The following GPC3 variants were observed in gnomAD, a reference collection of about 807,000 sequenced individuals.
The protein encoded by GPC3 is glypican-3.
A neutral mutation model predicts 34.4 loss-of-function variants in GPC3; 3 were observed. The ratio of observed to expected loss-of-function variants is 0.09; its 90% confidence interval spans 0.04 to 0.23. The LOEUF is 0.23. Ranked by LOEUF, GPC3 falls within the 10% of genes least tolerant of loss-of-function variation. The pLI is 1.00. For missense variants in GPC3, 351 were observed against 445.6 expected, an observed-to-expected ratio of 0.79 and a Z score of 1.91; for synonymous variants, 177 against 174.0, an observed-to-expected ratio of 1.02 and a Z score of -0.13.
chrX:133,934,248 G>A (rs2076312544), intron 2 of GPC3, among the ~76,000 whole-genome samples: 1 of 105,792 alleles, frequency 9.5e-6, no homozygotes, highest in Admixed American at 1.0e-4. Flanking sequence ...CAAGGCTGGA[G>A]TGCATGGTGC....
chrX:133,688,291 A>G (rs1355899775), intron 5 of GPC3, among the ~76,000 whole-genome samples: 1 of 111,822 alleles, frequency 8.9e-6, no homozygotes, highest in Non-Finnish European at 1.9e-5. Flanking sequence ...TTTCTCAGCT[A>G]AGTCCTGGTA....
chrX:133,711,563 A>G (rs914828956), intron 3 of GPC3, among the ~76,000 whole-genome samples: 8 of 111,175 alleles, frequency 7.2e-5, no homozygotes, highest in Non-Finnish European at 1.5e-4. Flanking sequence ...ATTGGTCTCC[A>G]AAGCTCCAGT....
intron 2 of GPC3, among the ~76,000 whole-genome samples, chrX:133,810,934 G>A (rs1741986878): frequency 9.2e-6 from 1 of 109,031 alleles, no homozygotes. Flanking sequence ...AGGCATTACT[G>A]GTTCAGTCTC....
At chrX:133,722,305 T>C (rs1021494039) in intron 3 of GPC3, among the ~76,000 whole-genome samples, 19 of 111,337 alleles carry the variant, frequency 1.7e-4, no homozygotes, top group African/African-American at 5.9e-4. Context: ...AAAACCAGGA[T>C]TGACTATCAT....
intron 7 of GPC3, among the ~76,000 whole-genome samples, chrX:133,546,627 T>C (rs1239230129): frequency 9.0e-6 from 1 of 111,533 alleles, no homozygotes. Context: ...GAAATAGTGG[T>C]GATGGTTGCA....
intron 6 of GPC3, among the ~76,000 whole-genome samples, chrX:133,618,095 G>A (rs771218371): frequency 8.9e-6 from 1 of 112,078 alleles, no homozygotes; most frequent in East Asian, 2.8e-4. Context: ...TCAAAGAGTT[G>A]TAGTTTTGAA....
intron 7 of GPC3, among the ~76,000 whole-genome samples, chrX:133,583,883 C>G (rs1477515432): frequency 1.8e-5 from 2 of 112,035 alleles, no homozygotes; most frequent in Non-Finnish European, 3.8e-5. Context: ...TCATATCTTC[C>G]TAATCCTTCT....
intron 5 of GPC3, among the ~76,000 whole-genome samples, chrX:133,687,383 G>GTT (rs1189478107): frequency 0.012 from 581 of 50,210 alleles, 119 homozygotes; most frequent in Non-Finnish European, 0.019. Context: ...AATTATCAGA[G>GTT]TTTTTTTTTT....
intron 7 of GPC3, among the ~76,000 whole-genome samples, chrX:133,547,439 G>A (rs1200167890): frequency 9.0e-6 from 1 of 111,002 alleles, no homozygotes; most frequent in Non-Finnish European, 1.9e-5. Context: ...ATCTTACCTT[G>A]TAGAGGGGTC....
chrX:133,841,215 A>ATTTTTTTTTTTTTT lies in GPC3; in HGVS notation c.338-87053_338-87040dup, dbSNP rs769696321. On this transcript the variant is annotated intron_variant, in intron 2 of 7. Transcript: ENST00000370818. Reference sequence around the variant, plus strand: ...ACCACCATGCCTGGCTAATCTTTTAATTTTTTTTTTTTTTTTTTTTTTTGG... The same window carrying ATTTTTTTTTTTTTT: ...ACCACCATGCCTGGCTAATCTTTTAATTTTTTTTTTTTTTTTTTTTTTTTTTTTTTTTTTTTTGG... 3.5e-3 allele frequency among the ~76,000 whole-genome samples: 138 copies of ATTTTTTTTTTTTTT among 39,223 alleles called. 20 individuals carry two copies. Among genetic ancestry groups the ATTTTTTTTTTTTTT allele is most frequent in the African/African-American group, 7.6e-3 (109 of 14,309 alleles). The allele number at this position is 39,223 out of a possible 115,157, so 34.1% of individuals were successfully genotyped here. A position where few individuals can be genotyped will look rare whatever the true frequency, so the allele number is the denominator to read the frequency against.
intron 7 of GPC3, among the ~76,000 whole-genome samples, chrX:133,572,289 A>G (rs1050883762): frequency 1.2e-4 from 13 of 112,085 alleles, no homozygotes; most frequent in Non-Finnish European, 3.8e-5. Flanking sequence ...ATACTTTGAT[A>G]TAAGTGAAAA....
intron 3 of GPC3, among the ~76,000 whole-genome samples, chrX:133,722,844 G>A (rs2071380103): frequency 1.8e-5 from 2 of 111,222 alleles, no homozygotes; most frequent in African/African-American, 6.5e-5. Flanking sequence ...GGATATGATT[G>A]AAAGGAGAGG....
intron 7 of GPC3, among the ~76,000 whole-genome samples, chrX:133,584,509 C>T (rs1337664835): frequency 8.9e-6 from 1 of 111,937 alleles, no homozygotes; most frequent in Non-Finnish European, 1.9e-5. Context: ...AACAGATTCT[C>T]ACTCTGTCAC....
chrX:133,557,943 AG>A (rs758524916), intron 7 of GPC3, among the ~76,000 whole-genome samples: 4 of 112,217 alleles, frequency 3.6e-5, no homozygotes, highest in Admixed American at 9.4e-5. Flanking sequence ...CCATGATTAA[AG>A]ATGCATTCCC....
chrX:133,896,362 GAAAA>G lies in GPC3; in HGVS notation c.337+56684_337+56687del, dbSNP rs375226597. On this transcript the variant is annotated intron_variant, in intron 2 of 7. Transcript: ENST00000370818. The stretch of plus-strand genomic sequence containing the variant: ...GGCAACAGAGTGAGAGATTGTCTCA[GAAAA>G]AAAAAAAAAAAGAAAGAAAAAGAAA... Among the ~76,000 whole-genome samples the G allele has an allele frequency of 1.1e-4, 9 of 81,151 alleles. No homozygotes were observed. The South Asian group carries it at 3.1e-3, about 28-fold the overall frequency. The allele number at this position is 81,151 out of a possible 115,157, so 70.5% of individuals were successfully genotyped here.
In GPC3 at chrX:133,548,714, G is replaced by C. The variant is rs762166621; in HGVS notation, c.1574-12421C>G. ...CCCAAATCTCATCTTGAATTCCCAA[G>C]GGTTGTGGGAAGGACCCGGTGGGAG... is the stretch of plus-strand genomic sequence containing the variant. On this transcript the variant is annotated intron_variant, in intron 7 of 7. Transcript: ENST00000370818. Among the ~76,000 whole-genome samples the C allele has an allele frequency of 6.1e-4, 68 of 111,794 alleles. No individual in the cohort carries two copies. In the Middle Eastern group the frequency reaches 0.018, roughly 30 times the overall value.
At chrX:133,851,407 T>C (rs1468288419) in intron 2 of GPC3, among the ~76,000 whole-genome samples, 1 of 112,039 alleles carries the variant, frequency 8.9e-6, no homozygotes, top group Non-Finnish European at 1.9e-5. Flanking sequence ...CTTACCCTCC[T>C]GATAAACCAG....
chrX:133,770,004 G>A (rs2071897306), intron 2 of GPC3, among the ~76,000 whole-genome samples: 1 of 112,606 alleles, frequency 8.9e-6, no homozygotes, highest in Non-Finnish European at 1.9e-5. Flanking sequence ...GTTGGGTGCA[G>A]TGCCGCAGGC....
chrX:133,767,161 C>G (rs763317087), intron 2 of GPC3, among the ~76,000 whole-genome samples: 1 of 111,692 alleles, frequency 9.0e-6, no homozygotes, highest in East Asian at 2.8e-4. Flanking sequence ...TGGTTTGACT[C>G]TAAGTAAACT....
Sources: allele counts gnomAD v4.1 joint callset (sites outside exome capture counted in the v4.1 genomes callset), GRCh38; gene constraint gnomAD v4.1.1; transcripts MANE v1.5; gene names NCBI Gene and HGNC (gene_info 2026-07-23, HGNC 2026-07-21).